Variants in PRR16 observed in about 807,000 individuals in gnomAD.
PRR16 encodes the protein proline rich 16.
Under a neutral mutation model 18.2 loss-of-function variants are expected in PRR16, and 6 were observed. The observed-to-expected ratio is 0.33, with a 90% CI of 0.18 to 0.65. The LOEUF is 0.65. PRR16 is among the 30% of genes least tolerant of loss of function. PRR16 has a pLI of 0.74. For missense variants in PRR16, 412 were observed against 376.6 expected (o/e 1.09, Z -0.78); for synonymous variants, 151 against 147.8 (o/e 1.02, Z -0.16).
At chr5:120,692,860 C>T in the PRR16 span, among the ~76,000 whole-genome samples, 1 of 152,098 alleles carries the variant, frequency 6.6e-6, no homozygotes, top group African/African-American at 2.4e-5. Flanking sequence ...CAACTTTTAA[C>T]AACCATATTT....
intron 1 of PRR16, among the ~76,000 whole-genome samples, chr5:120,609,839 A>C (rs191649967): frequency 4.3e-4 from 66 of 152,330 alleles, no homozygotes; most frequent in African/African-American, 1.5e-3. Flanking sequence ...CAAGGAAAGC[A>C]GCCACAATGT....
At chr5:120,624,562 A>T (rs1754798986) in intron 1 of PRR16, among the ~76,000 whole-genome samples, 1 of 152,186 alleles carries the variant, frequency 6.6e-6, no homozygotes, top group Non-Finnish European at 1.5e-5. Context: ...TAGCTGTGTG[A>T]CACTGATCAA....
intron 1 of PRR16, among the ~76,000 whole-genome samples, chr5:120,592,319 C>G (rs915758668): frequency 6.6e-6 from 1 of 152,106 alleles, no homozygotes; most frequent in African/African-American, 2.4e-5. Flanking sequence ...CAGAATAACT[C>G]TTGTCGTAGG....
intron 1 of PRR16, among the ~76,000 whole-genome samples, chr5:120,631,286 T>G (rs936492257): frequency 2.0e-5 from 3 of 152,012 alleles, no homozygotes; most frequent in Non-Finnish European, 4.4e-5. Flanking sequence ...CATCGTGAAC[T>G]TTTGCACCAA....
chr5:120,732,752 G>C, the PRR16 span, among the ~76,000 whole-genome samples: 1 of 152,136 alleles, frequency 6.6e-6, no homozygotes, highest in African/African-American at 2.4e-5. Flanking sequence ...GGTACTGGTA[G>C]ACCAGTATTT....
the PRR16 span, among the ~76,000 whole-genome samples, chr5:120,769,183 G>A: frequency 1.1e-3 from 168 of 151,498 alleles, 2 homozygotes; most frequent in East Asian, 0.029. Flanking sequence ...CTACACAGCT[G>A]ATTTTTAATA....
chr5:120,686,461 C>G lies in PRR16; in HGVS notation c.667C>G (p.Arg223Gly). ...TGGCTATTGTCCTGACTGTGATACC[C>G]GGTATAACATAAAAAACAGGGAGGT... The part of the protein sequence containing the change: ...YHGYCPDCDT[R>G]YNIKNREVHL... The change falls in exon 2 of 2, where the codon CGG (arginine) becomes GGG (glycine). Residue 223 changes from arginine to glycine, a missense_variant. Physicochemically the swap from Arg to Gly is moderately radical, Grantham distance 125. Transcript: ENST00000407149. The G allele has an allele frequency of 6.2e-7, 1 of 1,614,080 alleles. No individual in the cohort carries two copies. The highest frequency in any genetic ancestry group is 8.5e-7 in the Non-Finnish European group (1 of 1,179,998).
At chr5:120,666,013 A>C (rs1233156591) in intron 1 of PRR16, among the ~76,000 whole-genome samples, 1 of 152,066 alleles carries the variant, frequency 6.6e-6, no homozygotes, top group East Asian at 1.9e-4. Context: ...TGGTAGCTTG[A>C]TGGGGATGGC....
intron 1 of PRR16, among the ~76,000 whole-genome samples, chr5:120,554,219 T>C (rs1752342594): frequency 2.6e-5 from 4 of 151,932 alleles, no homozygotes; most frequent in Admixed American, 1.3e-4. Context: ...GCCAATATAC[T>C]CTGTGCTTTC....
chr5:120,694,753 T>C, the PRR16 span, among the ~76,000 whole-genome samples: 2 of 151,966 alleles, frequency 1.3e-5, no homozygotes, highest in South Asian at 4.2e-4. Context: ...TTTTGACAAG[T>C]GTAGCCTAGT....
At chr5:120,660,749 A>G (rs971178281) in intron 1 of PRR16, among the ~76,000 whole-genome samples, 2 of 152,038 alleles carry the variant, frequency 1.3e-5, no homozygotes. Flanking sequence ...GACATTATGC[A>G]GTCTTATGTG....
chr5:120,754,216 TATA>T, the PRR16 span, among the ~76,000 whole-genome samples: 30 of 54,666 alleles, frequency 5.5e-4, 1 homozygote, highest in South Asian at 4.0e-3. Context: ...AATTATATAT[TATA>T]ATATATAATA....
intron 1 of PRR16, among the ~76,000 whole-genome samples, chr5:120,504,454 T>A (rs1750574159): frequency 6.6e-6 from 1 of 152,220 alleles, no homozygotes; most frequent in Non-Finnish European, 1.5e-5. Flanking sequence ...TGGGGATATA[T>A]CTAAAGTCTT....
the PRR16 span, among the ~76,000 whole-genome samples, chr5:120,748,896 A>T: frequency 6.6e-6 from 1 of 152,146 alleles, no homozygotes; most frequent in Non-Finnish European, 1.5e-5. Context: ...AAGGGAAAAG[A>T]TACAAATGGA....
At chr5:120,642,479 A>G (rs1755454374) in intron 1 of PRR16, among the ~76,000 whole-genome samples, 1 of 152,046 alleles carries the variant, frequency 6.6e-6, no homozygotes, top group Non-Finnish European at 1.5e-5. Context: ...TCTGCAGGGA[A>G]GAACAGAAAC....
intron 1 of PRR16, among the ~76,000 whole-genome samples, chr5:120,551,072 CTT>C (rs138338202): frequency 0.049 from 7,510 of 152,024 alleles, 231 homozygotes; most frequent in East Asian, 0.099. Context: ...AATCTACTCT[CTT>C]AAAAATTTCA....
At chr5:120,526,906 A>C (rs1008343877) in intron 1 of PRR16, among the ~76,000 whole-genome samples, 1 of 152,142 alleles carries the variant, frequency 6.6e-6, no homozygotes, top group South Asian at 2.1e-4. Flanking sequence ...AAATGGTTTA[A>C]GTATACAATA....
intron 1 of PRR16, among the ~76,000 whole-genome samples, chr5:120,569,462 C>T (rs1254072063): frequency 6.6e-6 from 1 of 151,998 alleles, no homozygotes; most frequent in Non-Finnish European, 1.5e-5. Flanking sequence ...ATTTGGCTAC[C>T]ACATGTAATA....
intron 1 of PRR16, among the ~76,000 whole-genome samples, chr5:120,551,056 A>G (rs1306147276): frequency 6.6e-6 from 1 of 151,582 alleles, no homozygotes; most frequent in Non-Finnish European, 1.5e-5. Flanking sequence ...TGATGAGAAT[A>G]TGGAAAATCT....
Sources: gnomAD v4.1 joint callset for allele counts (sites outside exome capture counted in the v4.1 genomes callset) on GRCh38, gnomAD v4.1.1 for gene constraint, MANE v1.5 for transcripts, NCBI Gene and HGNC (gene_info 2026-07-23, HGNC 2026-07-21) for gene names.